Variants in LRP1B observed in about 807,000 individuals in gnomAD.
LRP1B encodes the protein LDL receptor related protein 1B, also known as low-density lipoprotein receptor-related protein 1B.
In LRP1B, 217 loss-of-function variants were observed where a neutral mutation model predicts 556.6. The observed-to-expected ratio is 0.39, with a 90% CI of 0.35 to 0.44. The LOEUF is 0.44. Ranked by LOEUF, LRP1B falls within the 20% of genes least tolerant of loss-of-function variation. The pLI, the probability that LRP1B is intolerant of heterozygous loss-of-function variation, is 1.00. For missense variants in LRP1B, 5,053 were observed against 5,620.8 expected (o/e 0.90, Z 3.23); for synonymous variants, 2,047 against 1,865.8 (o/e 1.10, Z -2.50).
intron 83 of LRP1B, among the ~76,000 whole-genome samples, chr2:140,306,058 T>C (rs1684050348): frequency 7.5e-6 from 1 of 134,100 alleles, no homozygotes; most frequent in South Asian, 2.4e-4. Context: ...GGTTTGCCAG[T>C]ATTTTATTCA....
chr2:141,521,592 G>GAT (rs369660407), intron 2 of LRP1B, among the ~76,000 whole-genome samples: 258 of 151,002 alleles, frequency 1.7e-3, no homozygotes, highest in African/African-American at 5.3e-3. Context: ...TTCAGATTGA[G>GAT]ATATATATAT....
chr2:140,351,473 T>C (rs1681956788), intron 76 of LRP1B, among the ~76,000 whole-genome samples: 1 of 152,072 alleles, frequency 6.6e-6, no homozygotes, highest in South Asian at 2.1e-4. Flanking sequence ...AAAATTAAAA[T>C]ATGAAGAATC....
At chr2:140,916,586 G>A (rs1380431148) in intron 21 of LRP1B, among the ~76,000 whole-genome samples, 5 of 152,070 alleles carry the variant, frequency 3.3e-5, no homozygotes, top group Non-Finnish European at 7.4e-5. Flanking sequence ...ACACTACTCT[G>A]GAACTTGATT....
intron 14 of LRP1B, among the ~76,000 whole-genome samples, chr2:141,008,302 G>A (rs1383066070): frequency 6.6e-6 from 1 of 151,000 alleles, no homozygotes; most frequent in East Asian, 1.9e-4. Flanking sequence ...AAATTACAAG[G>A]AAGGTTTTAT....
chr2:141,840,773 G>GAT (rs1697441953), intron 1 of LRP1B, among the ~76,000 whole-genome samples: 1 of 152,086 alleles, frequency 6.6e-6, no homozygotes, highest in Non-Finnish European at 1.5e-5. Flanking sequence ...TGATTTACTG[G>GAT]ATATATACCT....
intron 6 of LRP1B, among the ~76,000 whole-genome samples, chr2:141,228,233 T>G (rs1250666206): frequency 6.6e-6 from 1 of 152,172 alleles, no homozygotes. Flanking sequence ...GATTTTTATT[T>G]TAGCCGAATT....
Position 140,335,813 on chromosome 2 carries a change from T to A in LRP1B, c.11918A>T (p.Asp3973Val). Residue 3973 changes from aspartate to valine, a missense_variant, in exon 78 of 91, where the codon GAC becomes GTC. Physicochemically the swap from Asp to Val is radical, Grantham distance 152. Transcript: ENST00000389484. ...LICPEFKRPR[D>V]IAVDWVAGNI... ...TCCAGCCACCCAGTCAACTGCAATG[T>A]CCCTGGGCCTTTTAAATTCAGGACA... 6.2e-7 allele frequency: 1 copy of A among 1,611,928 alleles called. No homozygotes were observed. The highest frequency in any genetic ancestry group is 8.5e-7 in the Non-Finnish European group (1 of 1,178,850).
At chr2:141,093,964 G>C (rs774476525) in intron 7 of LRP1B, among the ~76,000 whole-genome samples, 1 of 152,000 alleles carries the variant, frequency 6.6e-6, no homozygotes, top group Non-Finnish European at 1.5e-5. Context: ...TGATCCGCCC[G>C]CCTTAGCCTC....
intron 2 of LRP1B, among the ~76,000 whole-genome samples, chr2:141,706,413 C>T (rs574090758): frequency 1.3e-5 from 2 of 152,116 alleles, no homozygotes; most frequent in South Asian, 2.1e-4. Flanking sequence ...GTAGGAAATC[C>T]TCAGTAAACA....
chr2:141,618,745 C>T (rs1342185049), intron 2 of LRP1B, among the ~76,000 whole-genome samples: 1 of 152,158 alleles, frequency 6.6e-6, no homozygotes, highest in Admixed American at 6.5e-5. Context: ...TCCTCCTGTC[C>T]TTAGTCTCTG....
intron 7 of LRP1B, among the ~76,000 whole-genome samples, chr2:141,122,816 C>G (rs1701095413): frequency 6.6e-6 from 1 of 152,152 alleles, no homozygotes; most frequent in African/African-American, 2.4e-5. Flanking sequence ...TTTATAGCGG[C>G]ACTATTCACA....
At chr2:141,254,451 G>A in intron 4 of LRP1B, 71 bp downstream of exon 4, 23 of 1,507,328 alleles carry the variant, frequency 1.5e-5, no homozygotes, top group Non-Finnish European at 2.0e-5. Context: ...GGTGCTCAAA[G>A]ATGTCTGCTT....
At chr2:140,571,168 A>T (rs1258420869) in intron 43 of LRP1B, among the ~76,000 whole-genome samples, 1 of 151,832 alleles carries the variant, frequency 6.6e-6, no homozygotes, top group East Asian at 1.9e-4. Context: ...CTGAGCAATT[A>T]GGTAACAGAA....
At chr2:141,197,819 G>T (rs971846430) in intron 6 of LRP1B, among the ~76,000 whole-genome samples, 9 of 151,992 alleles carry the variant, frequency 5.9e-5, no homozygotes, top group African/African-American at 1.9e-4. Context: ...TATTTAATGG[G>T]ATACATTTAA....
At chr2:141,584,420 C>A (rs1687058864) in intron 2 of LRP1B, among the ~76,000 whole-genome samples, 2 of 152,008 alleles carry the variant, frequency 1.3e-5, no homozygotes, top group Admixed American at 6.6e-5. Context: ...GGCAAAGGAC[C>A]AACGATGTTA....
chr2:141,581,267 C>G (rs1686949957), intron 2 of LRP1B, among the ~76,000 whole-genome samples: 1 of 152,198 alleles, frequency 6.6e-6, no homozygotes, highest in Non-Finnish European at 1.5e-5. Context: ...CAATCCCTAG[C>G]TCATCTACTT....
At chr2:140,335,313 A>G (rs1968911) in intron 78 of LRP1B, among the ~76,000 whole-genome samples, 46,028 of 151,710 alleles carry the variant, frequency 0.3, 7,944 homozygotes, top group Non-Finnish European at 0.4. Context: ...TCAATTTTAG[A>G]TTATAAACAT....
intron 3 of LRP1B, among the ~76,000 whole-genome samples, chr2:141,272,584 T>G (rs1453011841): frequency 1.3e-5 from 2 of 151,826 alleles, no homozygotes; most frequent in African/African-American, 4.8e-5. Flanking sequence ...ATACTTGAGA[T>G]CCAAAGATAC....
At chr2:141,185,597 T>A (rs567193834) in intron 7 of LRP1B, among the ~76,000 whole-genome samples, 1 of 146,768 alleles carries the variant, frequency 6.8e-6, no homozygotes, top group African/African-American at 2.5e-5. Context: ...CTTGGAAGAC[T>A]GGGACTGGAG....
Sources: gnomAD v4.1 joint callset for allele counts (sites outside exome capture counted in the v4.1 genomes callset) on GRCh38, gnomAD v4.1.1 for gene constraint, MANE v1.5 for transcripts, NCBI Gene and HGNC (gene_info 2026-07-23, HGNC 2026-07-21) for gene names.